Variants in LAMC2 observed in about 807,000 individuals in gnomAD.
The protein encoded by LAMC2 is laminin subunit gamma 2.
In LAMC2, 97 loss-of-function variants were observed where a neutral mutation model predicts 140.2. That is an observed-to-expected ratio of 0.69 (90% CI 0.59 to 0.82). The LOEUF (loss-of-function observed/expected upper bound fraction) is 0.82. Among genes scored for constraint, LAMC2 ranks in the 40% least tolerant of loss-of-function variants. The probability of loss-of-function intolerance (pLI) is 0.00; values close to 1 mark genes in which losing one functional copy is unlikely to be tolerated. For missense variants in LAMC2, 1,402 were observed against 1,476.1 expected (o/e 0.95, Z 0.82); for synonymous variants, 513 against 540.2 (o/e 0.95, Z 0.70).
At chr1:183,239,313 T>A (rs1412506868) in intron 19 of LAMC2, 51 bp from the exon 20 acceptor site, 1 of 1,528,264 alleles carries the variant, frequency 6.5e-7, no homozygotes, top group Non-Finnish European at 9.1e-7. Flanking sequence ...TTTCACTCAT[T>A]TGTAAATTTG....
At position 183,239,472 on chromosome 1, in the gene LAMC2, C is replaced by A; in HGVS notation, c.2978C>A (p.Ala993Glu). 1 of 1,614,072 alleles carries A rather than the reference C, an allele frequency of 6.2e-7. No homozygotes were observed. ...GATGCCAGTGACAAGACCCAGCAAG[C>A]AGAAAGAGCCCTGGGGAGCGCTGCT... Reference protein sequence around the residue: ...VSDASDKTQQAERALGSAAAD... With the variant: ...VSDASDKTQQEERALGSAAAD... The change falls in exon 20 of 23, where the codon GCA (alanine) becomes GAA (glutamate). Residue 993 changes from alanine (A) to glutamate (E), a missense_variant. Ala to Glu is a moderately radical substitution (Grantham distance 107). Transcript: ENST00000264144.
At chr1:183,216,180 G>T (rs569381599) in intron 3 of LAMC2, among the ~76,000 whole-genome samples, 29 of 152,178 alleles carry the variant, frequency 1.9e-4, no homozygotes, top group African/African-American at 6.8e-4. Context: ...CAGAGGAGGC[G>T]CGTCCCATTG....
intron 1 of LAMC2, among the ~76,000 whole-genome samples, chr1:183,200,437 T>C (rs1413140178): frequency 6.6e-6 from 1 of 151,878 alleles, no homozygotes; most frequent in Non-Finnish European, 1.5e-5. Context: ...AGAAACACAA[T>C]CATATGTATG....
rs1183465421 is a variant in LAMC2 at position 183,240,407 on chromosome 1, A to T, written c.3328+16A>T. The T allele has an allele frequency of 3.1e-6, 5 of 1,614,032 alleles. No homozygotes were observed. In the East Asian group the frequency reaches 1.1e-4, roughly 36 times the overall value. Reference sequence around the variant, plus strand: ...CATCTGATGGGTATGTGAACCCACAACCCACAACCTTCCAGCTCCATGCTC... The same window carrying T: ...CATCTGATGGGTATGTGAACCCACATCCCACAACCTTCCAGCTCCATGCTC... On this transcript the variant is annotated intron_variant, in intron 22 of 22. Coordinates refer to ENST00000264144, the MANE Select transcript of LAMC2 (RefSeq NM_005562.3).
chr1:183,243,841 C>A lies in LAMC2; in HGVS notation c.*441C>A, dbSNP rs1485170683. ...TTCTTCCTAATGTCAGAACAGAGTG[C>A]AACCCAGTCACACTGTGGCCAGTAA... On this transcript the variant is annotated 3_prime_UTR_variant, in exon 23 of 23. Coordinates refer to ENST00000264144, the MANE Select transcript of LAMC2 (RefSeq NM_005562.3). The A allele has an allele frequency of 4.0e-6, 1 of 252,726 alleles. No individual in the cohort carries two copies. The highest frequency in any genetic ancestry group is 1.0e-4 in the East Asian group (1 of 9,986). The allele number at this position is 252,726 out of a possible 1,614,324, so 15.7% of individuals were successfully genotyped here. A position where few individuals can be genotyped will look rare whatever the true frequency, so the allele number is the denominator to read the frequency against.
At position 183,240,199 on chromosome 1, in the gene LAMC2, G is replaced by C. The variant is rs776990220; in HGVS notation, c.3228+1G>C. 5.0e-6 allele frequency: 8 copies of C among 1,614,112 alleles called. No individual in the cohort carries two copies. Among genetic ancestry groups the C allele is most frequent in the Non-Finnish European group, 5.9e-6 (7 of 1,180,048 alleles). ...CACGAATATGGATGCAGTACAGATGGTGAGTTCCTGTTGCTTTCCACGGGA... is the reference window on the plus strand; with the variant it reads ...CACGAATATGGATGCAGTACAGATGCTGAGTTCCTGTTGCTTTCCACGGGA... On this transcript the variant is annotated splice_donor_variant, in intron 21 of 22. Transcript: ENST00000264144. LOFTEE classifies it high-confidence loss of function.
At chr1:183,241,788 G>A (rs1660142242) in intron 22 of LAMC2, among the ~76,000 whole-genome samples, 1 of 151,676 alleles carries the variant, frequency 6.6e-6, no homozygotes. Context: ...AAAAAAAAAG[G>A]AAAAAACAAA....
At chr1:183,206,052 A>G (rs1198650200) in intron 1 of LAMC2, among the ~76,000 whole-genome samples, 1 of 152,226 alleles carries the variant, frequency 6.6e-6, no homozygotes, top group Non-Finnish European at 1.5e-5. Flanking sequence ...AAATGGAAAG[A>G]TGAGGGCTTT....
At chr1:183,209,440 C>T (rs1328777180) in intron 2 of LAMC2, among the ~76,000 whole-genome samples, 1 of 152,142 alleles carries the variant, frequency 6.6e-6, no homozygotes, top group Non-Finnish European at 1.5e-5. Context: ...CATATCGCAG[C>T]AGTCACCCCC....
At chr1:183,211,454 G>T (rs1177276870) in intron 2 of LAMC2, among the ~76,000 whole-genome samples, 4 of 152,070 alleles carry the variant, frequency 2.6e-5, no homozygotes, top group Non-Finnish European at 4.4e-5. Context: ...TTTTAAAAGG[G>T]TTCTCAAAAG....
chr1:183,252,530 CAAGT>C, the LAMC2 span: 1 of 824,372 alleles, frequency 1.2e-6, no homozygotes, highest in East Asian at 2.4e-5. Flanking sequence ...GTTAAGTCAG[CAAGT>C]AGGGAAAACA....
downstream of LAMC2, among the ~76,000 whole-genome samples, chr1:183,247,313 GAAACA>G (rs1212300099): frequency 6.6e-6 from 1 of 151,752 alleles, no homozygotes; most frequent in Non-Finnish European, 1.5e-5. Flanking sequence ...ACTCTGTCTC[GAAACA>G]AAACAAAACA....
rs1659229440 is a variant in LAMC2 at position 183,215,588 on chromosome 1, TGTGA to T, written c.404+3_404+6del. 6.8e-6 allele frequency: 11 copies of T among 1,614,172 alleles called. No homozygotes were observed. Among genetic ancestry groups the T allele is most frequent in the Middle Eastern group, 1.7e-4 (1 of 6,060 alleles). ...GGGTGCACCCAAGACCAGAGACTGC[TGTGA>T]GTATTTGCATCCCACCATGGCTGTC... is the stretch of plus-strand genomic sequence containing the variant. On this transcript the variant is annotated splice_donor_variant and splice_donor_region_variant and intron_variant, in intron 3 of 22. Coordinates refer to ENST00000264144, the MANE Select transcript of LAMC2 (RefSeq NM_005562.3). LOFTEE classifies it high-confidence loss of function.
intron 1 of LAMC2, among the ~76,000 whole-genome samples, chr1:183,197,959 C>T (rs1396972771): frequency 1.3e-5 from 2 of 151,830 alleles, no homozygotes; most frequent in African/African-American, 2.4e-5. Context: ...AGAAGGCAGA[C>T]AGACACCTGG....
intron 1 of LAMC2, among the ~76,000 whole-genome samples, chr1:183,205,077 C>T (rs1224124297): frequency 6.6e-6 from 1 of 152,184 alleles, no homozygotes; most frequent in Non-Finnish European, 1.5e-5. Context: ...CCCTCCTTGG[C>T]CTCCCAAACT....
In LAMC2 at chr1:183,232,458, G is replaced by C. The variant is rs576843799; in HGVS notation, c.2014+115G>C. The C allele has an allele frequency of 2.1e-4, 277 of 1,291,728 alleles. 6 individuals are homozygous for C. The South Asian group carries it at 3.2e-3, about 15-fold the overall frequency. The allele number at this position is 1,291,728 out of a possible 1,614,324, so 80.0% of individuals were successfully genotyped here. On this transcript the variant is annotated intron_variant, in intron 13 of 22. Transcript: ENST00000264144. ...TCAGTTCAGCAGTTATCTCCAGCCA[G>C]CCCTTGCAGAAGTGGAAGGACTGTC...
At chr1:183,207,587 A>G (rs542700044) in intron 1 of LAMC2, among the ~76,000 whole-genome samples, 1 of 152,302 alleles carries the variant, frequency 6.6e-6, no homozygotes, top group African/African-American at 2.4e-5. Context: ...AATGTAATTT[A>G]ACATTTTGGG....
chr1:183,257,333 T>C, the LAMC2 span, among the ~76,000 whole-genome samples: 3 of 151,792 alleles, frequency 2.0e-5, no homozygotes, highest in African/African-American at 7.3e-5. Flanking sequence ...CCCAGCTACT[T>C]GGGAGGCTGA....
In LAMC2 at chr1:183,223,126, G is replaced by T. The variant is rs759840892; in HGVS notation, c.764-9G>T. ...ACTGATCTCAATCTTTTAAAACTCTGTTTCACAGCCAAATTTCTTGGGAAT... is the reference window on the plus strand; with the variant it reads ...ACTGATCTCAATCTTTTAAAACTCTTTTTCACAGCCAAATTTCTTGGGAAT... On this transcript the variant is annotated splice_polypyrimidine_tract_variant and intron_variant, in intron 6 of 22. Transcript: ENST00000264144. 3.7e-6 allele frequency: 6 copies of T among 1,613,750 alleles called. No individual in the cohort carries two copies. The highest frequency in any genetic ancestry group is 1.3e-5 in the African/African-American group (1 of 74,918).
Sources: allele counts gnomAD v4.1 joint callset (sites outside exome capture counted in the v4.1 genomes callset), GRCh38; gene constraint gnomAD v4.1.1; transcripts MANE v1.5; gene names NCBI Gene and HGNC (gene_info 2026-07-23, HGNC 2026-07-21).